Variants in EYA1 observed in about 807,000 individuals in gnomAD.
The protein encoded by EYA1 is protein phosphatase EYA1.
EYA1 carries 16 observed loss-of-function variants against 82.0 expected under a neutral mutation model. The ratio of observed to expected loss-of-function variants is 0.20; its 90% CI spans 0.13 to 0.30. EYA1 has a LOEUF of 0.30. EYA1 is among the 10% of genes least tolerant of loss of function. The pLI is 1.00. For missense variants in EYA1, 633 were observed against 730.7 expected (o/e 0.87, Z 1.54); for synonymous variants, 261 against 264.4 (o/e 0.99, Z 0.12).
At chr8:71,341,342 A>C (rs1004354553) in intron 3 of EYA1, among the ~76,000 whole-genome samples, 2 of 152,202 alleles carry the variant, frequency 1.3e-5, no homozygotes, top group Non-Finnish European at 2.9e-5. Context: ...ATTCAATGAC[A>C]GTATCACTCA....
chr8:71,482,773 C>T (rs576434853), intron 2 of EYA1, among the ~76,000 whole-genome samples: 1 of 152,162 alleles, frequency 6.6e-6, no homozygotes, highest in African/African-American at 2.4e-5. Context: ...ACAATAGATG[C>T]CAGACACAAA....
At chr8:71,308,592 C>T (rs1195121176) in intron 7 of EYA1, among the ~76,000 whole-genome samples, 1 of 151,814 alleles carries the variant, frequency 6.6e-6, no homozygotes, top group Admixed American at 6.6e-5. Flanking sequence ...ACTACCTCTT[C>T]GTAGTTAAGA....
At position 71,495,527 on chromosome 8, in the gene EYA1, G is replaced by A. The variant is rs529270179; in HGVS notation, c.33+40217C>T. Among the ~76,000 whole-genome samples, 5 of 152,224 alleles carry A rather than the reference G, an allele frequency of 3.3e-5. No homozygotes were observed. The East Asian group carries it at 5.8e-4, about 18-fold the overall frequency. On this transcript the variant is annotated intron_variant, in intron 2 of 18. Coordinates refer to the EYA1 transcript ENST00000643681. ...CTCGGGAGGCTGAGGCAGAAGAATC[G>A]CTTGAACCTGAGAGATAAAGGTTGC...
chr8:71,310,313 G>A (rs1427763051), intron 7 of EYA1, among the ~76,000 whole-genome samples: 1 of 152,132 alleles, frequency 6.6e-6, no homozygotes, highest in African/African-American at 2.4e-5. Context: ...GGTTTGTTAT[G>A]TAAACTTGTG....
At chr8:71,309,461 A>G (rs1284258154) in intron 7 of EYA1, among the ~76,000 whole-genome samples, 2 of 152,252 alleles carry the variant, frequency 1.3e-5, no homozygotes, top group African/African-American at 4.8e-5. Context: ...ACATCAGTGC[A>G]AGCTGCAATA....
Position 71,361,765 on chromosome 8 carries a change from C to A in EYA1, c.-173G>T, listed in dbSNP as rs886063091. On this transcript the variant is annotated 5_prime_UTR_variant, in exon 1 of 18. Transcript: ENST00000340726. ...ATGGGTACGCGCGGGGGCTCTCAGG[C>A]GCTCTGGTGCAGCCGCGGCGCTTCT... 332 of 985,510 alleles carry A rather than the reference C, an allele frequency of 3.4e-4. No individual in the cohort carries two copies. In the African/African-American group the frequency reaches 5.5e-3, roughly 16 times the overall value. The allele number at this position is 985,510 out of a possible 1,614,324, so 61.0% of individuals were successfully genotyped here. A position where few individuals can be genotyped will look rare whatever the true frequency, so the allele number is the denominator to read the frequency against.
intron 2 of EYA1, among the ~76,000 whole-genome samples, chr8:71,415,663 G>C (rs898080759): frequency 1.3e-5 from 2 of 152,094 alleles, no homozygotes; most frequent in Admixed American, 6.5e-5. Context: ...GTGCATTCAG[G>C]GTGACACACA....
intron 17 of EYA1, among the ~76,000 whole-genome samples, chr8:71,200,761 GCACAA>G (rs1322775776): frequency 2.6e-5 from 4 of 151,902 alleles, no homozygotes; most frequent in Non-Finnish European, 1.5e-5. Context: ...TAGCAAACAT[GCACAA>G]CAATCATCAG....
At chr8:71,283,036 C>T (rs1207179265) in intron 9 of EYA1, among the ~76,000 whole-genome samples, 1 of 148,124 alleles carries the variant, frequency 6.8e-6, no homozygotes, top group Non-Finnish European at 1.5e-5. Flanking sequence ...TCTGCTTAAA[C>T]ACTGCTCATG....
At chr8:71,440,980 T>C (rs911260619) in intron 2 of EYA1, among the ~76,000 whole-genome samples, 5 of 152,098 alleles carry the variant, frequency 3.3e-5, no homozygotes, top group Non-Finnish European at 7.4e-5. Flanking sequence ...ACAGAGCAAA[T>C]TGTATTGATT....
chr8:71,427,720 T>C (rs1805332178), intron 2 of EYA1, among the ~76,000 whole-genome samples: 1 of 152,100 alleles, frequency 6.6e-6, no homozygotes, highest in Non-Finnish European at 1.5e-5. Context: ...TCTCAAAAAT[T>C]ATTAGAGATG....
At chr8:71,299,565 T>C in intron 8 of EYA1, 73 bp downstream of exon 8, 1 of 914,160 alleles carries the variant, frequency 1.1e-6, no homozygotes, top group African/African-American at 1.6e-5. Flanking sequence ...TATAAACAGA[T>C]CTTTCTTTAC....
chr8:71,250,971 G>A (rs1279599911), intron 11 of EYA1, among the ~76,000 whole-genome samples: 1 of 152,150 alleles, frequency 6.6e-6, no homozygotes, highest in Non-Finnish European at 1.5e-5. Context: ...GGGAAAAAAT[G>A]GGCACTTGAA....
intron 2 of EYA1, among the ~76,000 whole-genome samples, chr8:71,377,980 G>C (rs1828471708): frequency 6.6e-6 from 1 of 151,466 alleles, no homozygotes. Context: ...TCTCTTTTTA[G>C]GGTTGTTCTT....
At chr8:71,456,430 A>G (rs1807917078) in intron 2 of EYA1, among the ~76,000 whole-genome samples, 1 of 152,228 alleles carries the variant, frequency 6.6e-6, no homozygotes, top group Non-Finnish European at 1.5e-5. Flanking sequence ...TGGAACCAAA[A>G]AAGAGTCCGC....
At position 71,397,746 on chromosome 8, in the gene EYA1, C is replaced by T. The variant is rs146091387; in HGVS notation, c.34-41235G>A. ...ATTTTTTCCCTCATTTCAACTTTGGCAAATCTAACAATTGTGTGTCTTGGA... is the reference window on the plus strand; with the variant it reads ...ATTTTTTCCCTCATTTCAACTTTGGTAAATCTAACAATTGTGTGTCTTGGA... On this transcript the variant is annotated intron_variant, in intron 2 of 18. Coordinates refer to the EYA1 transcript ENST00000643681. Among the ~76,000 whole-genome samples, 119 of 152,108 alleles carry T rather than the reference C, an allele frequency of 7.8e-4. 1 individual carries two copies. In the East Asian group the frequency reaches 0.021, roughly 27 times the overall value.
chr8:71,242,221 T>TA (rs747328952), intron 12 of EYA1, among the ~76,000 whole-genome samples: 1 of 151,950 alleles, frequency 6.6e-6, no homozygotes, highest in Non-Finnish European at 1.5e-5. Flanking sequence ...TAAAATAAAA[T>TA]AAAAAATATT....
intron 7 of EYA1, among the ~76,000 whole-genome samples, chr8:71,303,364 A>C (rs1183949206): frequency 2.8e-5 from 4 of 141,904 alleles, no homozygotes; most frequent in African/African-American, 1.0e-4. Flanking sequence ...TCAGTATTTT[A>C]AGCCAAGTAC....
intron 12 of EYA1, among the ~76,000 whole-genome samples, chr8:71,218,393 T>C (rs565001954): frequency 4.6e-5 from 7 of 152,052 alleles, no homozygotes; most frequent in Admixed American, 1.3e-4. Context: ...GAGGAGGAGA[T>C]AGAAGTGGAA....
Sources: allele counts gnomAD v4.1 joint callset (sites outside exome capture counted in the v4.1 genomes callset), GRCh38; gene constraint gnomAD v4.1.1; transcripts MANE v1.5; gene names NCBI Gene and HGNC (gene_info 2026-07-23, HGNC 2026-07-21).